Variants in FRMPD4 observed in about 807,000 individuals in gnomAD.
FRMPD4 encodes FERM and PDZ domain-containing protein 4.
In FRMPD4, 22 loss-of-function variants were observed where a neutral mutation model predicts 94.1. The ratio of observed to expected loss-of-function variants is 0.23; its 90% CI spans 0.17 to 0.33. FRMPD4 has a LOEUF of 0.33. Among genes scored for constraint, FRMPD4 ranks in the 10% least tolerant of loss-of-function variants. The pLI, the probability that FRMPD4 is intolerant of heterozygous loss-of-function variation, is 1.00. For missense variants in FRMPD4, 1,111 were observed against 1,339.9 expected (o/e 0.83, Z 2.67); for synonymous variants, 631 against 548.6 (o/e 1.15, Z -2.10).
chrX:11,951,552 G>A (rs960111670), intron 3 of FRMPD4, among the ~76,000 whole-genome samples: 1 of 111,630 alleles, frequency 9.0e-6, no homozygotes, highest in Non-Finnish European at 1.9e-5. Context: ...GAGAACACAT[G>A]GACACATAGA....
At chrX:12,405,334 A>G (rs1024201597) in intron 1 of FRMPD4, among the ~76,000 whole-genome samples, 3 of 111,706 alleles carry the variant, frequency 2.7e-5, no homozygotes, top group African/African-American at 9.7e-5. Flanking sequence ...AAGTTTCTCC[A>G]GCGACCAACA....
intron 2 of FRMPD4, among the ~76,000 whole-genome samples, chrX:11,875,231 T>C (rs778630213): frequency 3.6e-5 from 4 of 112,505 alleles, no homozygotes; most frequent in African/African-American, 9.7e-5. Flanking sequence ...AATCTGCTCA[T>C]AGATATTTTC....
At chrX:12,032,433 T>G (rs1234979475) in intron 3 of FRMPD4, among the ~76,000 whole-genome samples, 1 of 112,279 alleles carries the variant, frequency 8.9e-6, no homozygotes, top group African/African-American at 3.2e-5. Flanking sequence ...AAATATCCTT[T>G]GATTTAGCAA....
At chrX:11,966,522 T>TATCATC (rs369305902) in intron 3 of FRMPD4, among the ~76,000 whole-genome samples, 5 of 109,819 alleles carry the variant, frequency 4.6e-5, no homozygotes, top group East Asian at 2.8e-4. Flanking sequence ...AGCCCAGATT[T>TATCATC]ATCATCATCA....
intron 1 of FRMPD4, among the ~76,000 whole-genome samples, chrX:12,443,924 G>A (rs1017645562): frequency 7.2e-5 from 8 of 111,787 alleles, no homozygotes; most frequent in African/African-American, 1.9e-4. Context: ...TATCATTTGC[G>A]TCATTTCTCT....
At chrX:12,720,057 A>AGGAAAGGAAAGGAAAG (rs1569078507) in intron 16 of FRMPD4, among the ~76,000 whole-genome samples, 17 of 80,172 alleles carry the variant, frequency 2.1e-4, no homozygotes, top group African/African-American at 7.3e-4. Context: ...AAGGAAAGAA[A>AGGAAAGGAAAGGAAAG]GAAAGAAAGA....
At chrX:11,861,080 A>G (rs1317713266) in intron 1 of FRMPD4, among the ~76,000 whole-genome samples, 2 of 112,281 alleles carry the variant, frequency 1.8e-5, no homozygotes, top group African/African-American at 6.5e-5. Context: ...GTATTTAATA[A>G]TTTTATTTCT....
chrX:12,094,242 G>A (rs987726541), intron 3 of FRMPD4, among the ~76,000 whole-genome samples: 35 of 111,625 alleles, frequency 3.1e-4, no homozygotes, highest in African/African-American at 1.0e-3. Context: ...TGACTTTTTT[G>A]TTCCCATATT....
At chrX:12,125,268 C>T (rs1314941207) in intron 3 of FRMPD4, among the ~76,000 whole-genome samples, 1 of 112,016 alleles carries the variant, frequency 8.9e-6, no homozygotes, top group East Asian at 2.8e-4. Flanking sequence ...TCTCCTGGAA[C>T]CTGGACATCC....
At chrX:12,429,130 T>C (rs1221459305) in intron 1 of FRMPD4, among the ~76,000 whole-genome samples, 1 of 111,695 alleles carries the variant, frequency 9.0e-6, no homozygotes, top group Non-Finnish European at 1.9e-5. Context: ...TGGGTGACAG[T>C]CTTCTCCAGC....
chrX:12,599,663 G>A (rs138645957), intron 2 of FRMPD4, among the ~76,000 whole-genome samples: 1,444 of 111,593 alleles, frequency 0.013, 11 homozygotes, highest in Non-Finnish European at 0.021. Flanking sequence ...GCTTTTCAAG[G>A]GCTGTGGTGA....
intron 1 of FRMPD4, among the ~76,000 whole-genome samples, chrX:12,372,801 A>G (rs768308206): frequency 2.7e-5 from 3 of 112,206 alleles, no homozygotes; most frequent in African/African-American, 9.7e-5. Flanking sequence ...CTCCCTTTCA[A>G]CTGGGTTTGA....
At chrX:12,482,980 T>G (rs967513419) in intron 1 of FRMPD4, among the ~76,000 whole-genome samples, 3 of 112,029 alleles carry the variant, frequency 2.7e-5, no homozygotes, top group African/African-American at 9.7e-5. Flanking sequence ...AAGTTGTTAG[T>G]TGGCAGAATG....
At position 12,549,593 on chromosome X, in the gene FRMPD4, A is replaced by T. The variant is rs1023100476; in HGVS notation, c.158+50797A>T. Among the ~76,000 whole-genome samples the T allele has an allele frequency of 8.9e-5, 10 of 112,184 alleles. 1 individual carries two copies. The highest frequency in any genetic ancestry group is 1.9e-4 in the Admixed American group (2 of 10,504). On this transcript the variant is annotated intron_variant, in intron 2 of 16. Coordinates refer to ENST00000675598, the MANE Select transcript of FRMPD4 (RefSeq NM_001368397.1). ...TAGATAGGTGTATGTTTTCTCTGTA[A>T]ATTTGCCAACCTCTGCATCTGGTTC...
At chrX:12,108,396 C>T (rs1049602187) in intron 3 of FRMPD4, among the ~76,000 whole-genome samples, 3 of 111,931 alleles carry the variant, frequency 2.7e-5, no homozygotes, top group Non-Finnish European at 5.6e-5. Flanking sequence ...CACCACCAGG[C>T]CTGCTCTACA....
At chrX:12,249,418 G>A (rs2054002416) in intron 1 of FRMPD4, among the ~76,000 whole-genome samples, 1 of 111,364 alleles carries the variant, frequency 9.0e-6, no homozygotes, top group Non-Finnish European at 1.9e-5. Flanking sequence ...TGGGAAGAGT[G>A]TGGACAAAGC....
chrX:12,519,031 T>G (rs1248393648), intron 2 of FRMPD4, among the ~76,000 whole-genome samples: 5 of 112,336 alleles, frequency 4.5e-5, no homozygotes, highest in African/African-American at 1.6e-4. Flanking sequence ...AAAACATTGC[T>G]GAAAGAAAGT....
At chrX:12,388,492 C>T (rs1292840099) in intron 1 of FRMPD4, among the ~76,000 whole-genome samples, 1 of 108,596 alleles carries the variant, frequency 9.2e-6, no homozygotes, top group African/African-American at 3.4e-5. Flanking sequence ...GTAGTCCCAG[C>T]TACTCGGGGA....
intron 3 of FRMPD4, among the ~76,000 whole-genome samples, chrX:11,961,172 G>A (rs1441036263): frequency 8.9e-6 from 1 of 111,998 alleles, no homozygotes; most frequent in African/African-American, 3.2e-5. Context: ...AAACCCTGAA[G>A]CTGGGCCTAC....
Sources: gnomAD v4.1 joint callset for allele counts (sites outside exome capture counted in the v4.1 genomes callset) on GRCh38, gnomAD v4.1.1 for gene constraint, MANE v1.5 for transcripts, NCBI Gene and HGNC (gene_info 2026-07-23, HGNC 2026-07-21) for gene names.